PRR16: variants seen among roughly 807,000 people sequenced by gnomAD.
PRR16 encodes the protein proline rich 16.
PRR16 carries 6 observed loss-of-function variants against 18.2 expected under a neutral mutation model. That is an observed-to-expected ratio of 0.33 (90% CI 0.18 to 0.65). PRR16 has a LOEUF of 0.65. PRR16 is among the 30% of genes least tolerant of loss of function. The pLI, the probability that PRR16 is intolerant of heterozygous loss-of-function variation, is 0.74. For synonymous variants in PRR16, 151 were observed against 147.8 expected, an observed-to-expected ratio of 1.02 and a Z score of -0.16; for missense variants, 412 against 376.6, an observed-to-expected ratio of 1.09 and a Z score of -0.78.
chr5:120,770,947 C>CTG, the PRR16 span, among the ~76,000 whole-genome samples: 1 of 150,398 alleles, frequency 6.6e-6, no homozygotes, highest in Non-Finnish European at 1.5e-5. Context: ...CTCTCTCTCT[C>CTG]TCTCACACAC....
chr5:120,721,116 T>C, the PRR16 span, among the ~76,000 whole-genome samples: 1 of 152,140 alleles, frequency 6.6e-6, no homozygotes, highest in African/African-American at 2.4e-5. Context: ...AGTTGTTCAA[T>C]AAAATGTATG....
the PRR16 span, among the ~76,000 whole-genome samples, chr5:120,766,051 T>C: frequency 1.3e-5 from 2 of 152,074 alleles, no homozygotes; most frequent in Admixed American, 6.6e-5. Context: ...AGGGCTATTA[T>C]AAACAGTAAT....
chr5:120,732,059 C>T, the PRR16 span, among the ~76,000 whole-genome samples: 1 of 152,056 alleles, frequency 6.6e-6, no homozygotes, highest in Non-Finnish European at 1.5e-5. Flanking sequence ...GCTCAGAGTA[C>T]TATAGGAAAA....
intron 1 of PRR16, among the ~76,000 whole-genome samples, chr5:120,610,289 T>G (rs904735115): frequency 4.0e-5 from 6 of 151,700 alleles, no homozygotes; most frequent in Non-Finnish European, 8.8e-5. Flanking sequence ...ACATGGGTTT[T>G]TAGTTTTCAG....
chr5:120,672,474 C>T (rs980037864), intron 1 of PRR16, among the ~76,000 whole-genome samples: 7 of 147,172 alleles, frequency 4.8e-5, no homozygotes, highest in African/African-American at 1.0e-4. Context: ...TTAAGTATTT[C>T]GTCTTTATCT....
the PRR16 span, among the ~76,000 whole-genome samples, chr5:120,777,421 C>T: frequency 1.3e-5 from 2 of 152,022 alleles, no homozygotes; most frequent in African/African-American, 4.8e-5. Flanking sequence ...TTATTTTCGG[C>T]CTCAAATTTG....
chr5:120,754,406 C>CTATATAGTATATATTATATAA, the PRR16 span, among the ~76,000 whole-genome samples: 83 of 38,468 alleles, frequency 2.2e-3, 6 homozygotes, highest in African/African-American at 8.0e-3. Flanking sequence ...ATATATTATA[C>CTATATAGTATATATTATATAA]TATATACTAT....
chr5:120,510,826 A>G (rs1172765347), intron 1 of PRR16, among the ~76,000 whole-genome samples: 3 of 152,194 alleles, frequency 2.0e-5, no homozygotes, highest in Non-Finnish European at 4.4e-5. Context: ...AAGGTAAACA[A>G]AAAATTAGAG....
chr5:120,644,212 T>C (rs563092205), intron 1 of PRR16, among the ~76,000 whole-genome samples: 28 of 152,242 alleles, frequency 1.8e-4, no homozygotes, highest in African/African-American at 6.7e-4. Flanking sequence ...AGGTAATGTC[T>C]GTAAAGTTTT....
the PRR16 span, among the ~76,000 whole-genome samples, chr5:120,786,232 A>G: frequency 6.6e-6 from 1 of 151,694 alleles, no homozygotes; most frequent in South Asian, 2.1e-4. Context: ...ATAGCAAAAC[A>G]TATTCTTCTT....
At chr5:120,719,137 C>G in the PRR16 span, among the ~76,000 whole-genome samples, 1 of 151,886 alleles carries the variant, frequency 6.6e-6, no homozygotes, top group Admixed American at 6.6e-5. Context: ...GCTTCAGTTA[C>G]AAGTAAAATA....
chr5:120,740,546 C>A, the PRR16 span, among the ~76,000 whole-genome samples: 4 of 152,078 alleles, frequency 2.6e-5, no homozygotes, highest in Non-Finnish European at 5.9e-5. Context: ...ATGTGTGGGT[C>A]TATTTCTGCC....
At chr5:120,742,265 T>C in the PRR16 span, among the ~76,000 whole-genome samples, 1 of 130,760 alleles carries the variant, frequency 7.6e-6, no homozygotes, top group Admixed American at 9.0e-5. Flanking sequence ...ATTTTCAATG[T>C]TTTGTTACTT....
At chr5:120,723,204 T>A in the PRR16 span, among the ~76,000 whole-genome samples, 1 of 151,932 alleles carries the variant, frequency 6.6e-6, no homozygotes, top group African/African-American at 2.4e-5. Flanking sequence ...ATTAATAAAA[T>A]GGTTGATTTT....
chr5:120,628,581 G>C (rs72794308), intron 1 of PRR16, among the ~76,000 whole-genome samples: 15,364 of 151,996 alleles, frequency 0.1, 1,040 homozygotes, highest in South Asian at 0.14. Context: ...GATTTCCCCA[G>C]GATAAAGCAG....
the PRR16 span, among the ~76,000 whole-genome samples, chr5:120,700,652 A>G: frequency 2.6e-5 from 4 of 151,958 alleles, no homozygotes; most frequent in East Asian, 5.8e-4. Context: ...GAGTTTTAAG[A>G]GGTTTAGAAG....
intron 1 of PRR16, among the ~76,000 whole-genome samples, chr5:120,537,232 A>G (rs994958465): frequency 6.6e-6 from 1 of 152,210 alleles, no homozygotes; most frequent in African/African-American, 2.4e-5. Flanking sequence ...TCCCAGAAGA[A>G]CATTCATTTA....
the PRR16 span, among the ~76,000 whole-genome samples, chr5:120,711,818 A>G: frequency 0.086 from 13,014 of 152,170 alleles, 1,729 homozygotes; most frequent in African/African-American, 0.28. Context: ...CACCAATCAG[A>G]TAACTTACAC....
intron 1 of PRR16, among the ~76,000 whole-genome samples, chr5:120,530,168 A>G (rs1751496538): frequency 6.8e-6 from 1 of 147,190 alleles, no homozygotes; most frequent in Non-Finnish European, 1.5e-5. Context: ...GTGTGTGTGT[A>G]TATATGCAGT....
Sources: allele counts gnomAD v4.1 joint callset (sites outside exome capture counted in the v4.1 genomes callset), GRCh38; gene constraint gnomAD v4.1.1; transcripts MANE v1.5; gene names NCBI Gene and HGNC (gene_info 2026-07-23, HGNC 2026-07-21).